Variants in ADH4 observed in about 807,000 individuals in gnomAD.
ADH4 encodes alcohol dehydrogenase 4 (class II), pi polypeptide.
Under a neutral mutation model 35.2 loss-of-function variants are expected in ADH4, and 31 were observed. That is an observed-to-expected ratio of 0.88 (90% CI 0.66 to 1.19). ADH4 has a LOEUF of 1.19. ADH4 is among the 50% of genes most tolerant of loss of function. The probability of loss-of-function intolerance (pLI) is 0.00; values close to 1 mark genes in which losing one functional copy is unlikely to be tolerated. For synonymous variants in ADH4, 171 were observed against 160.2 expected (o/e 1.07, Z -0.51); for missense variants, 476 against 458.3 (o/e 1.04, Z -0.35).
intron 5 of ADH4, 110 bp from the exon 6 acceptor site, chr4:99,131,874 G>A: frequency 1.7e-6 from 2 of 1,185,280 alleles, no homozygotes; most frequent in Admixed American, 2.8e-5. Flanking sequence ...AAGACAGCCT[G>A]CTATTAAACT....
At chr4:99,128,626 G>T (rs997436054) in intron 6 of ADH4, among the ~76,000 whole-genome samples, 11 of 152,108 alleles carry the variant, frequency 7.2e-5, no homozygotes. Flanking sequence ...TGCTGGATAT[G>T]TGAGTCATTT....
Position 99,127,318 on chromosome 4 carries a change from T to C in ADH4, c.870A>G (p.Ala290=). 1 of 1,612,166 alleles carries C rather than the reference T, an allele frequency of 6.2e-7. No homozygotes were observed. The highest frequency in any genetic ancestry group is 8.5e-7 in the Non-Finnish European group (1 of 1,178,874). The part of the protein sequence containing the change: ...TMKAALDCTT[A]GWGSCTFIGV... ...CAATGAAAGTACATGATCCCCAGCC[T>C]GCGGTTGTACAGTCCAGGGCTGCTT... The change falls in exon 7 of 9, where the codon GCA becomes GCG. Residue 290 remains alanine, a synonymous_variant. Coordinates refer to ENST00000265512, the MANE Select transcript of ADH4 (RefSeq NM_000670.5).
intron 1 of ADH4, among the ~76,000 whole-genome samples, chr4:99,143,750 CA>C (rs1368567801): frequency 5.9e-5 from 9 of 151,998 alleles, no homozygotes; most frequent in Admixed American, 1.3e-4. Context: ...TTTTTAAAGA[CA>C]AAAAATAGAA....
rs1030992971 is a variant in ADH4 at position 99,131,740 on chromosome 4, C to T, written c.607G>A (p.Val203Ile). 4 of 1,613,944 alleles carry T rather than the reference C, an allele frequency of 2.5e-6. No individual in the cohort carries two copies. Among genetic ancestry groups the T allele is most frequent in the Non-Finnish European group, 3.4e-6 (4 of 1,179,992 alleles). Residue 203 changes from valine (V) to isoleucine (I), a missense_variant, in exon 6 of 9, where the codon GTC becomes ATC. Coordinates refer to ENST00000265512, the MANE Select transcript of ADH4 (RefSeq NM_000670.5). Reference protein sequence around the residue: ...AKVTPGSTCAVFGLGGVGLSA... With the variant: ...AKVTPGSTCAIFGLGGVGLSA... ...AGACCCACACCTCCTAGGCCAAAGA[C>T]AGCACAAGTCGAACCAGGGGTGACC...
chr4:99,143,813 T>C (rs1729714032), intron 1 of ADH4, among the ~76,000 whole-genome samples: 1 of 152,218 alleles, frequency 6.6e-6, no homozygotes, highest in Non-Finnish European at 1.5e-5. Flanking sequence ...ATGCAGATTC[T>C]TCGAGTATCC....
At chr4:99,136,833 A>G (rs1729450155) in intron 4 of ADH4, 136 bp from the exon 5 acceptor site, 1 of 620,218 alleles carries the variant, frequency 1.6e-6, no homozygotes, top group African/African-American at 1.8e-5. Context: ...TTAGGGAAAC[A>G]ACAAGACTTT....
Position 99,126,586 on chromosome 4 carries a change from T to C in ADH4, c.1118+8A>G. On this transcript the variant is annotated splice_region_variant and intron_variant, in intron 8 of 8. Transcript: ENST00000265512. ...TTTAAATCATTCAGTCATCTATTAG[T>C]AATGTACCTTTTTCCTTGGTTCATT... 6.3e-7 allele frequency: 1 copy of C among 1,597,772 alleles called. No homozygotes were observed. The highest frequency in any genetic ancestry group is 8.6e-7 in the Non-Finnish European group (1 of 1,168,226).
chr4:99,137,760 A>G (rs974088206), intron 4 of ADH4, among the ~76,000 whole-genome samples: 1 of 152,200 alleles, frequency 6.6e-6, no homozygotes, highest in Admixed American at 6.5e-5. Flanking sequence ...TTCATCTATT[A>G]TTCCTCCACA....
At chr4:99,135,246 T>C (rs1042281333) in intron 5 of ADH4, among the ~76,000 whole-genome samples, 1 of 151,864 alleles carries the variant, frequency 6.6e-6, no homozygotes, top group Non-Finnish European at 1.5e-5. Flanking sequence ...CTGGGCGACA[T>C]AGGGAGACCC....
At chr4:99,127,983 C>A (rs527615751) in intron 6 of ADH4, among the ~76,000 whole-genome samples, 1 of 150,826 alleles carries the variant, frequency 6.6e-6, no homozygotes, top group South Asian at 2.1e-4. Context: ...GTAAACCCAG[C>A]CAAATCTATC....
chr4:99,127,409 A>G (rs1168928305), intron 6 of ADH4, 65 bp from the exon 7 acceptor site: 2 of 1,369,276 alleles, frequency 1.5e-6, no homozygotes, highest in Non-Finnish European at 2.0e-6. Flanking sequence ...CCAGTGTGGC[A>G]ATGTACAATG....
rs1410152781 is a variant in ADH4, at chr4:99,136,520, A to G, written c.528T>C (p.Cys176=). 1.2e-6 allele frequency: 2 copies of G among 1,613,998 alleles called. No homozygotes were observed. Among genetic ancestry groups the G allele is most frequent in the African/African-American group, 2.7e-5 (2 of 74,938 alleles). Residue 176 remains cysteine, a synonymous_variant, in exon 5 of 9, where the codon TGT becomes TGC. Coordinates refer to ENST00000265512, the MANE Select transcript of ADH4 (RefSeq NM_000670.5). ...CAGTTGAAAACCCACATCCAAGCAG[A>G]CAAACTCTCTCTAAATTTGCATCAT... ...IDDDANLERV[C]LLGCGFSTGY... is the part of the protein sequence containing the mutation.
chr4:99,139,700 C>G (rs920315862), intron 3 of ADH4, among the ~76,000 whole-genome samples: 5 of 152,170 alleles, frequency 3.3e-5, no homozygotes, highest in African/African-American at 1.2e-4. Flanking sequence ...ATTATAACTA[C>G]TTACATGTAT....
At position 99,131,740 on chromosome 4, in the gene ADH4, C is replaced by A; in HGVS notation, c.607G>T (p.Val203Phe). 1.9e-6 allele frequency: 3 copies of A among 1,614,062 alleles called. No homozygotes were observed. Among genetic ancestry groups the A allele is most frequent in the Non-Finnish European group, 2.5e-6 (3 of 1,179,984 alleles). ...AGACCCACACCTCCTAGGCCAAAGA[C>A]AGCACAAGTCGAACCAGGGGTGACC... ...AKVTPGSTCA[V>F]FGLGGVGLSA... Residue 203 changes from valine to phenylalanine, a missense_variant, in exon 6 of 9, where the codon GTC becomes TTC. Coordinates refer to ENST00000265512, the MANE Select transcript of ADH4 (RefSeq NM_000670.5).
chr4:99,142,867 A>G (rs569848012), intron 1 of ADH4, 87 bp from the exon 2 acceptor site: 3 of 834,678 alleles, frequency 3.6e-6, no homozygotes, highest in East Asian at 5.3e-5. Flanking sequence ...CATGAGAAAA[A>G]ATTAGAATAT....
intron 2 of ADH4, among the ~76,000 whole-genome samples, chr4:99,142,231 T>C (rs190398150): frequency 6.6e-6 from 1 of 152,306 alleles, no homozygotes; most frequent in Admixed American, 6.5e-5. Context: ...CACTCTCTTC[T>C]CCCTGTGACC....
chr4:99,143,175 A>T (rs3919370), intron 1 of ADH4: 160,138 of 701,648 alleles, frequency 0.23, 21,349 homozygotes, highest in Non-Finnish European at 0.29. Context: ...CCTGAGTCAG[A>T]TAATTGCTGG....
intron 3 of ADH4, among the ~76,000 whole-genome samples, chr4:99,140,395 G>A (rs1231535653): frequency 6.6e-6 from 1 of 152,134 alleles, no homozygotes; most frequent in Non-Finnish European, 1.5e-5. Context: ...CCAACATGGT[G>A]AAACCCTGTC....
In ADH4 at chr4:99,126,715, A is replaced by G; in HGVS notation, c.997T>C (p.Ser333Pro). Reference sequence around the variant, plus strand: ...TAGTCAGTGACCAGCTTTGGGATAGAATCTACACTTTTCCAACCTGTAATG... The same window carrying G: ...TAGTCAGTGACCAGCTTTGGGATAGGATCTACACTTTTCCAACCTGTAATG... ...TFFGGWKSVD[S>P]IPKLVTDYKN... The change falls in exon 8 of 9, where the codon TCT (serine) becomes CCT (proline). Residue 333 changes from serine (S) to proline (P), a missense_variant. Coordinates refer to ENST00000265512, the MANE Select transcript of ADH4 (RefSeq NM_000670.5). 6.2e-7 allele frequency: 1 copy of G among 1,605,098 alleles called. No individual in the cohort carries two copies. The highest frequency in any genetic ancestry group is 1.1e-5 in the South Asian group (1 of 89,928).
Sources: allele counts gnomAD v4.1 joint callset (sites outside exome capture counted in the v4.1 genomes callset), GRCh38; gene constraint gnomAD v4.1.1; transcripts MANE v1.5; gene names NCBI Gene and HGNC (gene_info 2026-07-23, HGNC 2026-07-21).